The following CHIC2 variants were observed in gnomAD, a reference collection of about 807,000 sequenced individuals.
CHIC2 encodes the protein cysteine rich hydrophobic domain 2.
A neutral mutation model predicts 25.9 loss-of-function variants in CHIC2; 14 were observed. The observed-to-expected ratio is 0.54, with a 90% CI of 0.36 to 0.85. CHIC2 has a LOEUF of 0.85. Among genes scored for constraint, CHIC2 ranks in the 40% least tolerant of loss-of-function variants. CHIC2 has a pLI of 0.01. For synonymous variants in CHIC2, 70 were observed against 72.0 expected (o/e 0.97, Z 0.14); for missense variants, 146 against 202.0 (o/e 0.72, Z 1.68).
chr4:54,010,285 T>C, intron 5 of CHIC2, 140 bp from the exon 6 acceptor site: 1 of 602,316 alleles, frequency 1.7e-6, no homozygotes, highest in Non-Finnish European at 3.0e-6. Context: ...CAGATCTTTA[T>C]CTGATAATGC....
intron 1 of CHIC2, among the ~76,000 whole-genome samples, chr4:54,057,207 A>G (rs1717203501): frequency 2.6e-5 from 4 of 152,226 alleles, no homozygotes; most frequent in Admixed American, 2.0e-4. Flanking sequence ...CAGAACTGTA[A>G]TAACTCCTTT....
chr4:54,048,522 G>A (rs1716904567), intron 3 of CHIC2, among the ~76,000 whole-genome samples: 1 of 152,040 alleles, frequency 6.6e-6, no homozygotes, highest in South Asian at 2.1e-4. Flanking sequence ...CACTTCCTTT[G>A]AGATATTCAG....
Position 54,049,155 on chromosome 4 carries a change from C to T in CHIC2, c.175-45G>A, listed in dbSNP as rs376751565. The stretch of plus-strand genomic sequence containing the variant: ...AATAATAACAATGCAATATTAATGT[C>T]AAAAAACATGACTGATGAGCATACT... On this transcript the variant is annotated intron_variant, in intron 2 of 5. Transcript: ENST00000263921. 10 of 1,567,196 alleles carry T rather than the reference C, an allele frequency of 6.4e-6. No individual in the cohort carries two copies. The African/African-American group carries it at 1.1e-4, about 17-fold the overall frequency.
chr4:54,058,549 T>TACACAC (rs35335887), intron 1 of CHIC2, among the ~76,000 whole-genome samples: 10 of 126,916 alleles, frequency 7.9e-5, no homozygotes, highest in Non-Finnish European at 1.5e-4. Flanking sequence ...CATACACACA[T>TACACAC]ACACACACAT....
intron 3 of CHIC2, among the ~76,000 whole-genome samples, chr4:54,037,209 A>C (rs11935636): frequency 0.4 from 60,016 of 151,536 alleles, 12,916 homozygotes; most frequent in African/African-American, 0.56. Context: ...ATTAGCCAGG[A>C]GTGGTGATGC....
rs143729401 is a variant in CHIC2, at chr4:54,028,023, C to A, written c.331-13904G>T. Among the ~76,000 whole-genome samples, 5 of 152,232 alleles carry A rather than the reference C, an allele frequency of 3.3e-5. No homozygotes were observed. In the East Asian group the frequency reaches 5.8e-4, roughly 18 times the overall value. On this transcript the variant is annotated intron_variant, in intron 3 of 5. Transcript: ENST00000263921. ...ATATTTTTCTCCTATACCCACTTTA[C>A]CTGCTTTACAGTTTCTTTCCTTTAC...
the CHIC2 span, among the ~76,000 whole-genome samples, chr4:54,090,585 T>C: frequency 6.6e-6 from 1 of 152,206 alleles, no homozygotes; most frequent in Non-Finnish European, 1.5e-5. Context: ...GGGAACGTCA[T>C]CACACATCAA....
chr4:54,074,632 T>A, the CHIC2 span, among the ~76,000 whole-genome samples: 2 of 136,994 alleles, frequency 1.5e-5, no homozygotes, highest in South Asian at 2.3e-4. Context: ...ACACACACAC[T>A]GGCCTTACTA....
At chr4:54,076,440 A>G in the CHIC2 span, among the ~76,000 whole-genome samples, 1 of 152,214 alleles carries the variant, frequency 6.6e-6, no homozygotes, top group East Asian at 1.9e-4. Context: ...AGAAGGAAAA[A>G]ATATAAGCAA....
chr4:54,083,501 T>C, the CHIC2 span, among the ~76,000 whole-genome samples: 4 of 152,342 alleles, frequency 2.6e-5, no homozygotes, highest in East Asian at 7.7e-4. Flanking sequence ...ATCTTTCATC[T>C]GTAACCACTA....
At chr4:54,012,412 G>A (rs1018477771) in intron 5 of CHIC2, among the ~76,000 whole-genome samples, 2 of 152,052 alleles carry the variant, frequency 1.3e-5, no homozygotes, top group East Asian at 1.9e-4. Context: ...GTTTTGGAAG[G>A]TTATAAATTA....
rs771007307 is a variant in CHIC2, at chr4:54,010,073, G to A, written c.*22C>T. ...ATTGGAAAGACAACATACTTGGAAA[G>A]TCTCTATAAATAAAGTAAATGCTAA... On this transcript the variant is annotated 3_prime_UTR_variant, in exon 6 of 6. Coordinates refer to ENST00000263921, the MANE Select transcript of CHIC2 (RefSeq NM_012110.4). 2.6e-6 allele frequency: 4 copies of A among 1,557,276 alleles called. No homozygotes were observed. Among genetic ancestry groups the A allele is most frequent in the Non-Finnish European group, 3.5e-6 (4 of 1,131,152 alleles).
Position 54,013,863 on chromosome 4 carries a change from A to AT in CHIC2, c.420dup (p.Cys141MetfsTer2). 1 of 1,613,384 alleles carries AT rather than the reference A, an allele frequency of 6.2e-7. No individual in the cohort carries two copies. Among genetic ancestry groups the AT allele is most frequent in the Non-Finnish European group, 8.5e-7 (1 of 1,179,502 alleles). ...TATTCCATCATGTTATTCGTTTCAC[A>AT]TTTCCTTTTGCTCAGTCTCCAATGC... On this transcript the variant is annotated frameshift_variant, in exon 5 of 6. Transcript: ENST00000263921. LOFTEE classifies it high-confidence loss of function.
At position 54,010,123 on chromosome 4, in the gene CHIC2, G is replaced by A; in HGVS notation, c.470C>T (p.Pro157Leu). The change falls in exon 6 of 6, where the codon CCA (proline) becomes CTA (leucine). Residue 157 changes from proline (P) to leucine (L), a missense_variant. Pro to Leu is a moderately conservative substitution (Grantham distance 98, BLOSUM62 -3). Coordinates refer to ENST00000263921, the MANE Select transcript of CHIC2 (RefSeq NM_012110.4). ...ATCTGGTCGAAAAATCGGTGTCTTT[G>A]GTAAAAATTCTATGAGGATGACCTG... ...MEYVILIEFL[P>L]KTPIFRPD is the part of the protein sequence containing the mutation. 1 of 1,607,108 alleles carries A rather than the reference G, an allele frequency of 6.2e-7. No homozygotes were observed. The highest frequency in any genetic ancestry group is 8.5e-7 in the Non-Finnish European group (1 of 1,174,420).
the CHIC2 span, among the ~76,000 whole-genome samples, chr4:54,071,618 G>T: frequency 6.6e-6 from 1 of 152,132 alleles, no homozygotes; most frequent in Admixed American, 6.5e-5. Context: ...GAAATATTTG[G>T]GTTCCTTACA....
intron 3 of CHIC2, among the ~76,000 whole-genome samples, chr4:54,014,929 C>T (rs1295265031): frequency 6.6e-6 from 1 of 152,038 alleles, no homozygotes; most frequent in Admixed American, 6.6e-5. Flanking sequence ...GGTTCAGCTG[C>T]ACTTTTCTTG....
At chr4:54,062,200 G>A (rs778355495) in intron 1 of CHIC2, among the ~76,000 whole-genome samples, 6 of 152,188 alleles carry the variant, frequency 3.9e-5, no homozygotes, top group Non-Finnish European at 8.8e-5. Context: ...GAAGAAGGAA[G>A]TTGCTGAGGA....
chr4:54,069,748 T>C, the CHIC2 span, among the ~76,000 whole-genome samples: 3 of 152,192 alleles, frequency 2.0e-5, no homozygotes, highest in Non-Finnish European at 4.4e-5. Context: ...AAACCAAATA[T>C]GTATTTCCTG....
At chr4:54,062,088 T>C (rs753124350) in intron 1 of CHIC2, among the ~76,000 whole-genome samples, 11 of 152,176 alleles carry the variant, frequency 7.2e-5, no homozygotes, top group Non-Finnish European at 1.3e-4. Flanking sequence ...AGGTATCGAC[T>C]ATAACTATCC....
Sources: gnomAD v4.1 joint callset for allele counts (sites outside exome capture counted in the v4.1 genomes callset) on GRCh38, gnomAD v4.1.1 for gene constraint, MANE v1.5 for transcripts, NCBI Gene and HGNC (gene_info 2026-07-23, HGNC 2026-07-21) for gene names.